The following STIM1 variants were observed in gnomAD, a reference collection of about 807,000 sequenced individuals.
STIM1 encodes stromal interaction molecule 1.
STIM1 carries 25 observed loss-of-function variants against 74.7 expected under a neutral mutation model. The observed-to-expected ratio is 0.33, with a 90% CI of 0.24 to 0.47. STIM1 has a LOEUF of 0.47. Among genes scored for constraint, STIM1 ranks in the 20% least tolerant of loss-of-function variants. STIM1 has a pLI of 1.00. For synonymous variants in STIM1, 328 were observed against 348.8 expected (o/e 0.94, Z 0.66); for missense variants, 728 against 920.8 (o/e 0.79, Z 2.71).
chr11:3,915,420 C>T (rs2092628754), intron 1 of STIM1, among the ~76,000 whole-genome samples: 1 of 143,770 alleles, frequency 7.0e-6, no homozygotes, highest in Admixed American at 7.2e-5. Context: ...TTTTTTGAGA[C>T]GGAGCCTTGC....
chr11:3,957,920 C>T (rs982063063), intron 1 of STIM1, among the ~76,000 whole-genome samples: 20 of 152,028 alleles, frequency 1.3e-4, no homozygotes, highest in African/African-American at 4.6e-4. Flanking sequence ...GGCTGGAGTG[C>T]AGTGGCGCAG....
At chr11:3,948,986 A>G (rs2093112578) in intron 1 of STIM1, among the ~76,000 whole-genome samples, 1 of 152,232 alleles carries the variant, frequency 6.6e-6, no homozygotes. Context: ...GCCATGCTCT[A>G]TTTGAAGTAC....
At chr11:4,012,237 G>A (rs1033782629) in intron 2 of STIM1, among the ~76,000 whole-genome samples, 21 of 152,136 alleles carry the variant, frequency 1.4e-4, no homozygotes, top group Admixed American at 2.0e-4. Context: ...GAACTTTAAA[G>A]TAGTTTTTTC....
chr11:3,924,473 C>T (rs1465602287), intron 1 of STIM1, among the ~76,000 whole-genome samples: 1 of 152,184 alleles, frequency 6.6e-6, no homozygotes, highest in Non-Finnish European at 1.5e-5. Context: ...GCTGAGATTA[C>T]AGGCGTGAGC....
At chr11:3,950,603 G>A (rs749344088) in intron 1 of STIM1, among the ~76,000 whole-genome samples, 1 of 152,126 alleles carries the variant, frequency 6.6e-6, no homozygotes. Context: ...ATTTTATTCA[G>A]AGGGCTATCT....
intron 3 of STIM1, among the ~76,000 whole-genome samples, chr11:4,043,946 C>T (rs190943643): frequency 3.4e-3 from 522 of 151,934 alleles, no homozygotes; most frequent in African/African-American, 0.012. Flanking sequence ...ACCTGGGAGG[C>T]GGAGGTTGCA....
chr11:3,905,403 T>C lies in STIM1; in HGVS notation c.139+48994T>C, dbSNP rs1590550879. Among the ~76,000 whole-genome samples, 6 of 142,678 alleles carry C rather than the reference T, an allele frequency of 4.2e-5. 1 individual carries two copies. The South Asian group carries it at 1.3e-3, about 32-fold the overall frequency. The allele number at this position is 142,678 out of a possible 152,430, so 93.6% of individuals were successfully genotyped here. On this transcript the variant is annotated intron_variant, in intron 1 of 12. Coordinates refer to ENST00000526596, the MANE Select transcript of STIM1 (RefSeq NM_001382567.1). ...TTTTTTTAAAGGTGGAGGGGTGGAG[T>C]GGAGACCTGAGCTGGTATAGGTTGT...
chr11:3,895,602 TTCTC>T (rs369670575), intron 1 of STIM1, among the ~76,000 whole-genome samples: 8 of 88,460 alleles, frequency 9.0e-5, no homozygotes, highest in South Asian at 7.4e-4. Context: ...TGTTCTTTCT[TTCTC>T]TCTCTTTCTT....
intron 1 of STIM1, among the ~76,000 whole-genome samples, chr11:3,859,737 T>G (rs1350278523): frequency 6.6e-6 from 1 of 152,178 alleles, no homozygotes; most frequent in Non-Finnish European, 1.5e-5. Context: ...TCTTGGTAGC[T>G]ATGCTAATTT....
chr11:4,037,820 A>G (rs1214137820), intron 3 of STIM1, among the ~76,000 whole-genome samples: 3 of 152,134 alleles, frequency 2.0e-5, no homozygotes, highest in African/African-American at 7.2e-5. Context: ...ATGATTATTA[A>G]TATAAGATAA....
At chr11:3,924,912 T>A (rs1158604755) in intron 1 of STIM1, among the ~76,000 whole-genome samples, 1 of 152,234 alleles carries the variant, frequency 6.6e-6, no homozygotes, top group Non-Finnish European at 1.5e-5. Flanking sequence ...AGACAGTTCC[T>A]TTTTTATTTC....
At chr11:4,088,474 G>C (rs920384226) in intron 12 of STIM1, 48 of 503,612 alleles carry the variant, frequency 9.5e-5, no homozygotes, top group African/African-American at 8.2e-4. Context: ...TTACTCAGCA[G>C]AGCCACTCAT....
intron 1 of STIM1, among the ~76,000 whole-genome samples, chr11:3,904,214 A>AAAAAAAAAAAAAAAAC: frequency 6.6e-6 from 1 of 150,568 alleles, no homozygotes. Flanking sequence ...AAAAAAAAAA[A>AAAAAAAAAAAAAAAAC]AAAAAGAAAA....
chr11:4,025,900 G>A (rs1234305058), intron 3 of STIM1, among the ~76,000 whole-genome samples: 1 of 152,164 alleles, frequency 6.6e-6, no homozygotes, highest in Non-Finnish European at 1.5e-5. Flanking sequence ...GCATTTCAAT[G>A]CAGTGATGTA....
intron 2 of STIM1, among the ~76,000 whole-genome samples, chr11:3,980,610 T>TAA (rs34722747): frequency 2.4e-5 from 3 of 126,468 alleles, no homozygotes; most frequent in African/African-American, 3.1e-5. Flanking sequence ...CCCATCTCTT[T>TAA]AAAAAAAAAA....
chr11:4,049,179 A>G (rs2094217606), intron 3 of STIM1, among the ~76,000 whole-genome samples: 1 of 152,222 alleles, frequency 6.6e-6, no homozygotes, highest in Admixed American at 6.5e-5. Context: ...TGTTTCAGTT[A>G]GAGTTGGTTC....
chr11:3,930,559 G>GGT (rs1200818472), intron 1 of STIM1, among the ~76,000 whole-genome samples: 1 of 152,166 alleles, frequency 6.6e-6, no homozygotes, highest in Non-Finnish European at 1.5e-5. Context: ...GTAGCAGGAT[G>GGT]GTGCCTACTG....
chr11:3,863,928 C>T (rs529808491), intron 1 of STIM1, among the ~76,000 whole-genome samples: 17 of 151,910 alleles, frequency 1.1e-4, no homozygotes, highest in Admixed American at 6.6e-4. Context: ...ATCATAGGTA[C>T]GTATGTGTAG....
intron 1 of STIM1, among the ~76,000 whole-genome samples, chr11:3,903,822 A>G (rs930460278): frequency 4.6e-5 from 7 of 152,132 alleles, no homozygotes; most frequent in Non-Finnish European, 7.3e-5. Context: ...GTGTCCATGA[A>G]CAACCTGCAG....
Sources: gnomAD v4.1 joint callset for allele counts (sites outside exome capture counted in the v4.1 genomes callset) on GRCh38, gnomAD v4.1.1 for gene constraint, MANE v1.5 for transcripts, NCBI Gene and HGNC (gene_info 2026-07-23, HGNC 2026-07-21) for gene names.